Variants in CERS4 observed in about 807,000 individuals in gnomAD.
CERS4 encodes ceramide synthase 4.
CERS4 carries 65 observed loss-of-function variants against 51.8 expected under a neutral mutation model. The observed-to-expected ratio is 1.26, with a 90% CI of 1.03 to 1.54. The LOEUF (loss-of-function observed/expected upper bound fraction) is 1.54, where lower values mean the gene tolerates loss of function less well. Ranked by LOEUF, CERS4 falls within the 40% of genes most tolerant of loss-of-function variation. The pLI, the probability that CERS4 is intolerant of heterozygous loss-of-function variation, is 0.00. For missense variants in CERS4, 563 were observed against 500.4 expected, an observed-to-expected ratio of 1.13 and a Z score of -1.19; for synonymous variants, 228 against 208.4, an observed-to-expected ratio of 1.09 and a Z score of -0.81.
intron 1 of CERS4, chr19:8,209,758 GATCCTGGCCTCGTGACGCGGGGGA>G (rs1487406071): frequency 1.3e-5 from 2 of 152,320 alleles, no homozygotes; most frequent in East Asian, 3.8e-4. Flanking sequence ...GAGTAGGGGC[GATCCTGGCCTCGTGACGCGGGGGA>G]ATCCGGATGT....
intron 7 of CERS4, 36 bp from the exon 8 acceptor site, chr19:8,256,582 G>C (rs765412609): frequency 1.9e-6 from 3 of 1,580,044 alleles, no homozygotes; most frequent in Admixed American, 1.9e-5. Context: ...TGGAGCCTTC[G>C]CTCCCCACAG....
chr19:8,213,545 C>T (rs570959638), intron 2 of CERS4, among the ~76,000 whole-genome samples: 30 of 152,170 alleles, frequency 2.0e-4, no homozygotes, highest in African/African-American at 3.4e-4. Flanking sequence ...TGGCCTCAAG[C>T]GAGCCTCCAG....
intron 2 of CERS4, among the ~76,000 whole-genome samples, chr19:8,249,441 G>A (rs1405147076): frequency 3.3e-5 from 5 of 151,860 alleles, no homozygotes; most frequent in East Asian, 3.9e-4. Context: ...CACCTCGACC[G>A]CCACTCCATT....
At chr19:8,241,689 T>C (rs1289267221) in intron 2 of CERS4, among the ~76,000 whole-genome samples, 4 of 152,096 alleles carry the variant, frequency 2.6e-5, no homozygotes, top group Non-Finnish European at 4.4e-5. Flanking sequence ...ATTTTACAGA[T>C]AAAACTGAGG....
Position 8,262,280 on chromosome 19 carries a change from C to A in CERS4, c.*171C>A. On this transcript the variant is annotated 3_prime_UTR_variant, in exon 12 of 12. Transcript: ENST00000251363. ...AGCCCCTTCCTTCTGCCCACCCACC[C>A]TTCTTCCCTCTGGGCAACTGGACAG... 3.3e-6 allele frequency: 2 copies of A among 603,626 alleles called. No homozygotes were observed. The highest frequency in any genetic ancestry group is 5.1e-6 in the Non-Finnish European group (2 of 395,978). 37.4% of individuals were successfully genotyped at this position (603,626 alleles called of 1,614,324 possible). A position where few individuals can be genotyped will look rare whatever the true frequency, so the allele number is the denominator to read the frequency against.
intron 2 of CERS4, among the ~76,000 whole-genome samples, chr19:8,213,197 T>C (rs1038035175): frequency 3.9e-5 from 6 of 152,154 alleles, no homozygotes; most frequent in Admixed American, 1.3e-4. Context: ...TTTTGCATTT[T>C]TTTGTAGTGA....
chr19:8,258,095 A>G (rs571208097), intron 10 of CERS4, 110 bp downstream of exon 10: 2 of 893,440 alleles, frequency 2.2e-6, no homozygotes, highest in African/African-American at 1.6e-5. Context: ...CTTGGCTGGG[A>G]GAGTTCCAGG....
chr19:8,217,372 T>A (rs932915642), intron 2 of CERS4, among the ~76,000 whole-genome samples: 8 of 151,962 alleles, frequency 5.3e-5, no homozygotes, highest in African/African-American at 1.9e-4. Context: ...GAGGCTCGTT[T>A]TTTAATTTTT....
At chr19:8,225,517 G>A (rs1436631557) in intron 2 of CERS4, among the ~76,000 whole-genome samples, 3 of 150,062 alleles carry the variant, frequency 2.0e-5, no homozygotes, top group South Asian at 4.2e-4. Context: ...TCCGCCTCCC[G>A]GGTTCAAGCG....
rs1969264234 is a variant in CERS4, at chr19:8,254,490, TGCACCCAGATTCATTGGCCTGCCCCTGA to T, written c.174-6_195del. On this transcript the variant is annotated splice_acceptor_variant and splice_polypyrimidine_tract_variant and coding_sequence_variant and intron_variant, in exon 4 of 12. Transcript: ENST00000251363. LOFTEE classifies it high-confidence loss of function. The stretch of plus-strand genomic sequence containing the variant: ...CTGGGCTGATAGGCTCTGTCTCCTT[TGCACCCAGATTCATTGGCCTGCCCCTGA>T]GCCGGTGGCTGGGTGTGAGGGATCA... 6.2e-7 allele frequency: 1 copy of T among 1,612,882 alleles called. No individual in the cohort carries two copies. Among genetic ancestry groups the T allele is most frequent in the East Asian group, 2.2e-5 (1 of 44,854 alleles).
chr19:8,237,782 T>C (rs562986324), intron 2 of CERS4, among the ~76,000 whole-genome samples: 14 of 151,556 alleles, frequency 9.2e-5, no homozygotes, highest in South Asian at 8.3e-4. Flanking sequence ...ACCCGGGAGG[T>C]GGAGCTTGCA....
intron 2 of CERS4, among the ~76,000 whole-genome samples, chr19:8,223,538 G>C (rs1967648837): frequency 6.6e-6 from 1 of 152,164 alleles, no homozygotes; most frequent in Admixed American, 6.6e-5. Flanking sequence ...AGAATCACTT[G>C]AACCTGGGAG....
chr19:8,241,631 G>T (rs554121519), intron 2 of CERS4, among the ~76,000 whole-genome samples: 3 of 152,222 alleles, frequency 2.0e-5, no homozygotes, highest in African/African-American at 7.2e-5. Flanking sequence ...TCCACCTCAG[G>T]TGCCATTCCG....
intron 2 of CERS4, among the ~76,000 whole-genome samples, chr19:8,249,587 A>T (rs1489746508): frequency 6.0e-4 from 55 of 91,340 alleles, no homozygotes; most frequent in South Asian, 2.4e-3. Context: ...GGAACTCTGG[A>T]TTTTTTTTTT....
At chr19:8,220,035 C>G (rs1599514457) in intron 2 of CERS4, among the ~76,000 whole-genome samples, 1 of 151,910 alleles carries the variant, frequency 6.6e-6, no homozygotes, top group Admixed American at 6.6e-5. Context: ...GACCCTGGAG[C>G]TCCACGGCTG....
chr19:8,236,699 A>G (rs1390259981), intron 2 of CERS4, among the ~76,000 whole-genome samples: 5 of 21,122 alleles, frequency 2.4e-4, no homozygotes, highest in African/African-American at 5.5e-4. Context: ...AAAAAAAAAA[A>G]AAGAAAGAAA....
In CERS4 at chr19:8,229,037, C is replaced by T. The variant is rs1870928580; in HGVS notation, c.-2+18175C>T. ...ACTTCATCTAAAAAAAAAAAAAAATCCATGAATGCCAGGTGTGGTGGCTCA... is the reference window on the plus strand; with the variant it reads ...ACTTCATCTAAAAAAAAAAAAAAATTCATGAATGCCAGGTGTGGTGGCTCA... On this transcript the variant is annotated intron_variant, in intron 2 of 11. Coordinates refer to ENST00000251363, the MANE Select transcript of CERS4 (RefSeq NM_024552.3). Among the ~76,000 whole-genome samples the T allele has an allele frequency of 2.6e-5, 4 of 151,176 alleles. No homozygotes were observed. The Admixed American group carries it at 2.7e-4, about 10-fold the overall frequency.
intron 2 of CERS4, among the ~76,000 whole-genome samples, chr19:8,219,894 G>C (rs993471041): frequency 6.6e-6 from 1 of 151,310 alleles, no homozygotes; most frequent in African/African-American, 2.4e-5. Flanking sequence ...GAGGCAGGGG[G>C]ATCATTTGAA....
At chr19:8,242,204 G>A (rs1461124051) in intron 2 of CERS4, among the ~76,000 whole-genome samples, 1 of 152,196 alleles carries the variant, frequency 6.6e-6, no homozygotes, top group African/African-American at 2.4e-5. Flanking sequence ...CTGGGCTCCA[G>A]ACCCTGTTCT....
Sources: allele counts gnomAD v4.1 joint callset (sites outside exome capture counted in the v4.1 genomes callset), GRCh38; gene constraint gnomAD v4.1.1; transcripts MANE v1.5; gene names NCBI Gene and HGNC (gene_info 2026-07-23, HGNC 2026-07-21).